The following ZFP92 variants were observed in gnomAD, a reference collection of about 807,000 sequenced individuals.
ZFP92 encodes the protein zinc finger protein 92 homolog.
Under a neutral mutation model 7.6 loss-of-function variants are expected in ZFP92, and 2 were observed. The ratio of observed to expected loss-of-function variants is 0.26; its 90% CI spans 0.11 to 0.83. The LOEUF (loss-of-function observed/expected upper bound fraction) is 0.83, where lower values mean the gene tolerates loss of function less well. Ranked by LOEUF, ZFP92 falls within the 40% of genes least tolerant of loss-of-function variation. The pLI, the probability that ZFP92 is intolerant of heterozygous loss-of-function variation, is 0.65. For missense variants in ZFP92, 324 were observed against 408.3 expected (o/e 0.79, Z 1.78); for synonymous variants, 226 against 183.6 (o/e 1.23, Z -1.87).
intron 1 of ZFP92, among the ~76,000 whole-genome samples, 98 bp downstream of exon 1, chrX:153,411,801 GGCGGCGA>G (rs1302391643): frequency 1.8e-5 from 2 of 112,446 alleles, no homozygotes; most frequent in African/African-American, 3.2e-5. Context: ...GAGCTGCGGC[GGCGGCGA>G]CAAGCAGGGA....
rs782113683 is a variant in ZFP92 at position 153,420,986 on chromosome X, C to T, written c.609C>T (p.Ser203=). The change falls in exon 6 of 6, where the codon AGC becomes AGT. Residue 203 remains serine (S), a synonymous_variant. Transcript: ENST00000338647. ...FALLEHQRIH[S]GEKPYACPEC... is the part of the protein sequence containing the mutation. ...TCCTGGAGCACCAGCGCATCCACAGCGGCGAGAAGCCCTACGCCTGCCCCG... is the reference window on the plus strand; with the variant it reads ...TCCTGGAGCACCAGCGCATCCACAGTGGCGAGAAGCCCTACGCCTGCCCCG... 3.3e-6 allele frequency: 4 copies of T among 1,199,729 alleles called. No individual in the cohort carries two copies. Among genetic ancestry groups the T allele is most frequent in the Admixed American group, 2.3e-5 (1 of 44,244 alleles).
chrX:153,413,053 C>A (rs1284121023), intron 2 of ZFP92, among the ~76,000 whole-genome samples: 4 of 111,036 alleles, frequency 3.6e-5, no homozygotes, highest in African/African-American at 1.3e-4. Flanking sequence ...TCCAGCCGTT[C>A]TGCCAGGTGG....
chrX:153,418,643 C>T (rs1423003887), intron 3 of ZFP92, 30 bp from the exon 4 acceptor site: 3 of 1,163,801 alleles, frequency 2.6e-6, no homozygotes, highest in Non-Finnish European at 3.4e-6. Flanking sequence ...GGTTGAATTC[C>T]CCTGTGGCCA....
chrX:153,413,205 C>G (rs957691361), intron 2 of ZFP92, among the ~76,000 whole-genome samples: 1 of 108,922 alleles, frequency 9.2e-6, no homozygotes, highest in Admixed American at 9.9e-5. Context: ...CTGCTCCCAC[C>G]GAGTGGGACT....
In ZFP92 at chrX:153,425,484, TGAG is replaced by T. The variant is rs1281015367; in HGVS notation, c.*3860_*3862del. On this transcript the variant is annotated 3_prime_UTR_variant, in exon 6 of 6. Coordinates refer to ENST00000338647, the MANE Select transcript of ZFP92 (RefSeq NM_001136273.2). ...AGTTTGGGCTCTAACAGTCTCCTGA[TGAG>T]GAGCAATTTTCCAAAACATGAAAGA... 1 of 111,950 alleles carries T rather than the reference TGAG, an allele frequency of 8.9e-6. No individual in the cohort carries two copies. The highest frequency in any genetic ancestry group is 1.9e-5 in the Non-Finnish European group (1 of 53,157). The allele number at this position is 111,950 out of a possible 1,213,427, so 9.2% of individuals were successfully genotyped here.
Position 153,416,882 on chromosome X carries a change from C to T in ZFP92, c.-18-1423C>T, listed in dbSNP as rs905346061. Among the ~76,000 whole-genome samples, 5 of 111,542 alleles carry T rather than the reference C, an allele frequency of 4.5e-5. No individual in the cohort carries two copies. The East Asian group carries it at 1.1e-3, about 25-fold the overall frequency. Reference sequence around the variant, plus strand: ...GGGAGTCTAAGGGGAGCTGGTGGCGCACGGCATGTGCAGAGATCACGTGGC... The same window carrying T: ...GGGAGTCTAAGGGGAGCTGGTGGCGTACGGCATGTGCAGAGATCACGTGGC... On this transcript the variant is annotated intron_variant, in intron 2 of 5. Transcript: ENST00000338647.
chrX:153,415,135 G>A (rs1332205358), intron 2 of ZFP92, among the ~76,000 whole-genome samples: 6 of 112,855 alleles, frequency 5.3e-5, no homozygotes, highest in Non-Finnish European at 1.1e-4. Flanking sequence ...TGGCCCCAGA[G>A]TGTGGGGGCC....
intron 1 of ZFP92, among the ~76,000 whole-genome samples, 48 bp downstream of exon 1, chrX:153,411,751 G>A (rs2088909108): frequency 8.9e-6 from 1 of 112,687 alleles, no homozygotes; most frequent in Non-Finnish European, 1.9e-5. Context: ...GCGGGTAAGG[G>A]GCCCGTCTCG....
intron 2 of ZFP92, among the ~76,000 whole-genome samples, chrX:153,416,662 G>A: frequency 8.9e-6 from 1 of 111,993 alleles, no homozygotes. Flanking sequence ...GAAGTAGCTG[G>A]TGGGGGCGTG....
chrX:153,412,839 C>T (rs2088919659), intron 2 of ZFP92, among the ~76,000 whole-genome samples: 1 of 112,065 alleles, frequency 8.9e-6, no homozygotes, highest in African/African-American at 3.2e-5. Flanking sequence ...CAGGACCCGA[C>T]CCGCCTGTTA....
chrX:153,418,249 G>C, intron 2 of ZFP92, 56 bp from the exon 3 acceptor site: 2 of 1,147,968 alleles, frequency 1.7e-6, no homozygotes, highest in Non-Finnish European at 1.2e-6. Flanking sequence ...GCAGGTCGCA[G>C]ATTGGCTGCT....
Position 153,420,871 on chromosome X carries a change from C to T in ZFP92, c.494C>T (p.Ser165Phe). 8.4e-7 allele frequency: 1 copy of T among 1,187,795 alleles called. No homozygotes were observed. Among genetic ancestry groups the T allele is most frequent in the South Asian group, 1.8e-5 (1 of 54,302 alleles). ...TGTGGGAAGGCCTTCAGCCGCAGCT[C>T]CAACCTCATCAAGCACCGCATCATC... ...QQCGKAFSRS[S>F]NLIKHRIIHS... Residue 165 changes from serine (S) to phenylalanine (F), a missense_variant, in exon 6 of 6, where the codon TCC becomes TTC. Physicochemically the swap from Ser to Phe is radical, Grantham distance 155. Coordinates refer to ENST00000338647, the MANE Select transcript of ZFP92 (RefSeq NM_001136273.2).
chrX:153,422,001 A>T lies in ZFP92; in HGVS notation c.*373A>T. The T allele has an allele frequency of 7.9e-6, 1 of 126,002 alleles. No homozygotes were observed. The highest frequency in any genetic ancestry group is 9.0e-5 in the Admixed American group (1 of 11,075). The allele number at this position is 126,002 out of a possible 1,213,427, so 10.4% of individuals were successfully genotyped here. A position where few individuals can be genotyped will look rare whatever the true frequency, so the allele number is the denominator to read the frequency against. On this transcript the variant is annotated 3_prime_UTR_variant, in exon 6 of 6. Coordinates refer to ENST00000338647, the MANE Select transcript of ZFP92 (RefSeq NM_001136273.2). ...GTGTGCACAGGCGTGCGTGGAGGGG[A>T]TGCGTGAACCATCCCTCGGATTTGC...
At chrX:153,416,522 G>A (rs992692100) in intron 2 of ZFP92, among the ~76,000 whole-genome samples, 2 of 111,274 alleles carry the variant, frequency 1.8e-5, no homozygotes, top group African/African-American at 3.3e-5. Flanking sequence ...ATGCTCCTGG[G>A]ATCCTGTGCC....
At position 153,422,060 on chromosome X, in the gene ZFP92, C is replaced by A. The variant is rs782814751; in HGVS notation, c.*432C>A. On this transcript the variant is annotated 3_prime_UTR_variant, in exon 6 of 6. Transcript: ENST00000338647. ...CGCCTGCTGCGGGTAGGGAGGAGGC[C>A]ACGTGAGGCCAGTGAGGCCAGCCAG... 19 of 114,572 alleles carry A rather than the reference C, an allele frequency of 1.7e-4. No homozygotes were observed. The highest frequency in any genetic ancestry group is 3.3e-4 in the Non-Finnish European group (18 of 54,881). The allele number at this position is 114,572 out of a possible 1,213,427, so 9.4% of individuals were successfully genotyped here.
intron 2 of ZFP92, among the ~76,000 whole-genome samples, chrX:153,412,395 A>C (rs782820429): frequency 5.3e-5 from 6 of 112,654 alleles, no homozygotes; most frequent in Non-Finnish European, 9.4e-5. Context: ...GAGATCTGCC[A>C]GGGACACGGC....
In ZFP92 at chrX:153,423,331, G is replaced by A. The variant is rs1386620037; in HGVS notation, c.*1703G>A. 9.2e-6 allele frequency: 1 copy of A among 108,530 alleles called. No homozygotes were observed. The highest frequency in any genetic ancestry group is 1.9e-5 in the Non-Finnish European group (1 of 52,411). The allele number at this position is 108,530 out of a possible 1,213,427, so 8.9% of individuals were successfully genotyped here. Reference sequence around the variant, plus strand: ...AGTGTGGGAAGACCCAAACATACAGGATTCCCTCGGAGAATGCTGCTTGGA... The same window carrying A: ...AGTGTGGGAAGACCCAAACATACAGAATTCCCTCGGAGAATGCTGCTTGGA... On this transcript the variant is annotated 3_prime_UTR_variant, in exon 6 of 6. Transcript: ENST00000338647.
rs1273196709 is a variant in ZFP92 at position 153,424,094 on chromosome X, T to G, written c.*2466T>G. 1.8e-5 allele frequency: 2 copies of G among 112,541 alleles called. No homozygotes were observed. The highest frequency in any genetic ancestry group is 3.8e-5 in the Non-Finnish European group (2 of 53,327). The allele number at this position is 112,541 out of a possible 1,213,427, so 9.3% of individuals were successfully genotyped here. On this transcript the variant is annotated 3_prime_UTR_variant, in exon 6 of 6. Coordinates refer to ENST00000338647, the MANE Select transcript of ZFP92 (RefSeq NM_001136273.2). ...TCTGATGCATAAGTGAACCCTGTTT[T>G]TAACGGAAGCTCCTTTTTTTTCACC...
At chrX:153,417,411 A>T (rs1415497730) in intron 2 of ZFP92, among the ~76,000 whole-genome samples, 2 of 111,543 alleles carry the variant, frequency 1.8e-5, no homozygotes, top group African/African-American at 6.5e-5. Flanking sequence ...CCCTTCAGAG[A>T]GCACCCCCAC....
Sources: allele counts gnomAD v4.1 joint callset (sites outside exome capture counted in the v4.1 genomes callset), GRCh38; gene constraint gnomAD v4.1.1; transcripts MANE v1.5; gene names NCBI Gene and HGNC (gene_info 2026-07-23, HGNC 2026-07-21).